The following EXPH5 variants were observed in gnomAD, a reference collection of about 807,000 sequenced individuals.
EXPH5 encodes the protein exophilin 5.
A neutral mutation model predicts 41.1 loss-of-function variants in EXPH5; 42 were observed. The ratio of observed to expected loss-of-function variants is 1.02; its 90% CI spans 0.80 to 1.32. The LOEUF is 1.32. EXPH5 is among the 40% of genes most tolerant of loss of function. The probability of loss-of-function intolerance (pLI) is 0.00; values close to 1 mark genes in which losing one functional copy is unlikely to be tolerated. For missense variants in EXPH5, 2,298 were observed against 2,314.5 expected (o/e 0.99, Z 0.15); for synonymous variants, 798 against 833.5 (o/e 0.96, Z 0.73).
Position 108,513,209 on chromosome 11 carries a change from T to C in EXPH5, c.2298A>G (p.Ser766=). The change falls in exon 6 of 6, where the codon TCA becomes TCG. Residue 766 remains serine, a synonymous_variant. Coordinates refer to ENST00000265843, the MANE Select transcript of EXPH5 (RefSeq NM_015065.3). ...FGFNASTIIS[S]KKSPRVFSRK... The stretch of plus-strand genomic sequence containing the variant: ...TGGAAAAGACTCTGGGTGACTTTTT[T>C]GAACTTATTATGGTAGATGCATTAA... 6.2e-7 allele frequency: 1 copy of C among 1,614,112 alleles called. No individual in the cohort carries two copies. Among genetic ancestry groups the C allele is most frequent in the Non-Finnish European group, 8.5e-7 (1 of 1,180,008 alleles).
chr11:108,596,622 T>C (rs1398216028), upstream of EXPH5, among the ~76,000 whole-genome samples: 11 of 152,176 alleles, frequency 7.2e-5, no homozygotes. Context: ...AGAAGTAGAC[T>C]GGGAAGTTGT....
rs2093701433 is a variant in EXPH5 at position 108,513,795 on chromosome 11, G to T, written c.1712C>A (p.Thr571Asn). 7 of 1,600,728 alleles carry T rather than the reference G, an allele frequency of 4.4e-6. No homozygotes were observed. The highest frequency in any genetic ancestry group is 6.0e-6 in the Non-Finnish European group (7 of 1,174,748). ...DSMVVSHGNE[T>N]QLTPHFGTPN... ...TGTGCCAAAATGAGGAGTCAACTGG[G>T]TCTCATTACCATGTGATACCACCAT... Residue 571 changes from threonine to asparagine, a missense_variant, in exon 6 of 6, where the codon ACC becomes AAC. Thr to Asn is a moderately conservative substitution (Grantham distance 65, BLOSUM62 0). Transcript: ENST00000265843.
rs369376056 is a variant in EXPH5, at chr11:108,573,196, GAAAA to G, written c.119+20218_119+20221del. 1.7e-3 allele frequency among the ~76,000 whole-genome samples: 186 copies of G among 107,816 alleles called. 2 individuals carry two copies. Among genetic ancestry groups the G allele is most frequent in the African/African-American group, 7.3e-3 (171 of 23,560 alleles). The allele number at this position is 107,816 out of a possible 152,430, so 70.7% of individuals were successfully genotyped here. A position where few individuals can be genotyped will look rare whatever the true frequency, so the allele number is the denominator to read the frequency against. On this transcript the variant is annotated intron_variant, in intron 1 of 5. Transcript: ENST00000265843. ...AGAAAGAAAGAAAGAAAGAAAGAAAGAAAAAGAAAGAAAGAAAGAAAGAAAGGGA... is the reference window on the plus strand; with the variant it reads ...AGAAAGAAAGAAAGAAAGAAAGAAAGAGAAAGAAAGAAAGAAAGAAAGGGA...
At chr11:108,525,057 T>C (rs1359653656) in intron 4 of EXPH5, among the ~76,000 whole-genome samples, 1 of 152,222 alleles carries the variant, frequency 6.6e-6, no homozygotes, top group South Asian at 2.1e-4. Context: ...TGAGATCTGA[T>C]GGTTTTATAA....
intron 3 of EXPH5, among the ~76,000 whole-genome samples, chr11:108,538,665 A>G (rs1169234675): frequency 6.6e-6 from 1 of 152,190 alleles, no homozygotes; most frequent in African/African-American, 2.4e-5. Context: ...CAGGACACAT[A>G]CTCTGCAAAG....
At chr11:108,538,515 A>G (rs1001161260) in intron 3 of EXPH5, among the ~76,000 whole-genome samples, 3 of 152,126 alleles carry the variant, frequency 2.0e-5, no homozygotes, top group African/African-American at 7.2e-5. Flanking sequence ...AGCCTTCAGT[A>G]TTTCTAGTAA....
chr11:108,545,359 T>C (rs1201250852), intron 1 of EXPH5, among the ~76,000 whole-genome samples: 2 of 152,100 alleles, frequency 1.3e-5, no homozygotes, highest in East Asian at 3.8e-4. Flanking sequence ...GAAGGCCGCC[T>C]ATGGTGCAAA....
intron 1 of EXPH5, among the ~76,000 whole-genome samples, chr11:108,562,563 C>T (rs139633079): frequency 3.1e-3 from 470 of 152,022 alleles, no homozygotes; most frequent in African/African-American, 0.011. Flanking sequence ...GAGCTGAGAT[C>T]GCACCACTGC....
intron 1 of EXPH5, among the ~76,000 whole-genome samples, chr11:108,584,328 A>T (rs2094107236): frequency 6.6e-6 from 1 of 152,154 alleles, no homozygotes; most frequent in Non-Finnish European, 1.5e-5. Context: ...ATAAAAAAAA[A>T]TTAGCTAGGT....
At position 108,511,545 on chromosome 11, in the gene EXPH5, T is replaced by A; in HGVS notation, c.3962A>T (p.Asp1321Val). The A allele has an allele frequency of 6.2e-7, 1 of 1,612,454 alleles. No homozygotes were observed. The highest frequency in any genetic ancestry group is 2.2e-5 in the East Asian group (1 of 44,880). The change falls in exon 6 of 6, where the codon GAT becomes GTT. Residue 1321 changes from aspartate to valine, a missense_variant. Asp to Val is a radical substitution (Grantham distance 152). Transcript: ENST00000265843. ...CATATTTTCAGTGGTGAGCGTCTGA[T>A]CAGAGTTGACGGACATCTTTAGATT... ...CENLKMSVNS[D>V]QTLTTENMTA...
At chr11:108,568,175 T>TGGGGGGGG (rs1555198197) in intron 1 of EXPH5, 1 of 102,888 alleles carries the variant, frequency 9.7e-6, no homozygotes, top group African/African-American at 4.6e-5. Context: ...TTACTTTTTT[T>TGGGGGGGG]GGGAGGGGGG....
At chr11:108,582,821 C>A (rs990745036) in intron 1 of EXPH5, among the ~76,000 whole-genome samples, 2 of 152,188 alleles carry the variant, frequency 1.3e-5, no homozygotes, top group Non-Finnish European at 2.9e-5. Flanking sequence ...CAGCGTTACT[C>A]CTGTCTGCAC....
rs2135920509 is a variant in EXPH5, at chr11:108,513,004, C to T, written c.2503G>A (p.Val835Ile). 1.2e-6 allele frequency: 2 copies of T among 1,613,874 alleles called. No homozygotes were observed. The highest frequency in any genetic ancestry group is 1.3e-5 in the African/African-American group (1 of 75,030). Residue 835 changes from valine (V) to isoleucine (I), a missense_variant, in exon 6 of 6, where the codon GTA becomes ATA. Physicochemically the swap from Val to Ile is conservative, Grantham distance 29 (BLOSUM62 3). Coordinates refer to ENST00000265843, the MANE Select transcript of EXPH5 (RefSeq NM_015065.3). ...ATTCTTGAAATATCTTCATTATTTA[C>T]AGTTAATTCCTGGTGACAACCTTGG... ...TDQGCHQELTVNNEDISRIIT... is the reference protein window; with the variant it reads ...TDQGCHQELTINNEDISRIIT...
At chr11:108,518,396 A>G (rs1158062280) in intron 4 of EXPH5, 23 bp from the exon 5 acceptor site, 9 of 1,610,810 alleles carry the variant, frequency 5.6e-6, no homozygotes, top group Non-Finnish European at 7.6e-6. Context: ...CAGAGAACAC[A>G]ATATTATTTC....
At chr11:108,553,522 T>C (rs562416794) in intron 1 of EXPH5, among the ~76,000 whole-genome samples, 1 of 152,292 alleles carries the variant, frequency 6.6e-6, no homozygotes, top group South Asian at 2.1e-4. Context: ...ATGTATACCT[T>C]TTACCTGAGC....
intron 1 of EXPH5, among the ~76,000 whole-genome samples, chr11:108,569,619 G>A (rs56213890): frequency 0.17 from 25,475 of 152,154 alleles, 2,177 homozygotes; most frequent in East Asian, 0.28. Flanking sequence ...GATTATAGGC[G>A]TGAGCCACTG....
At position 108,585,974 on chromosome 11, in the gene EXPH5, T is replaced by G. The variant is rs180916364; in HGVS notation, c.119+7444A>C. Among the ~76,000 whole-genome samples, 10 of 152,350 alleles carry G rather than the reference T, an allele frequency of 6.6e-5. No homozygotes were observed. In the East Asian group the frequency reaches 1.7e-3, roughly 26 times the overall value. On this transcript the variant is annotated intron_variant, in intron 1 of 5. Transcript: ENST00000265843. ...TTTATTTTGAGATGAAGTCTTGCTC[T>G]GTAGCCCATACTGGAGTGCAGTGGC...
intron 1 of EXPH5, among the ~76,000 whole-genome samples, chr11:108,589,456 T>C (rs1179316383): frequency 6.6e-6 from 1 of 152,174 alleles, no homozygotes; most frequent in African/African-American, 2.4e-5. Context: ...GTGCCACAGC[T>C]CAAGGATATT....
At chr11:108,569,387 T>C (rs560171234) in intron 1 of EXPH5, among the ~76,000 whole-genome samples, 1 of 152,332 alleles carries the variant, frequency 6.6e-6, no homozygotes, top group East Asian at 1.9e-4. Flanking sequence ...TCACGCAAGC[T>C]GGAGTGCAAT....
Sources: allele counts gnomAD v4.1 joint callset (sites outside exome capture counted in the v4.1 genomes callset), GRCh38; gene constraint gnomAD v4.1.1; transcripts MANE v1.5; gene names NCBI Gene and HGNC (gene_info 2026-07-23, HGNC 2026-07-21).